The following PGAP4 variants were observed in gnomAD, a reference collection of about 807,000 sequenced individuals.
The protein encoded by PGAP4 is GPI-N-acetylgalactosamine transferase PGAP4.
In PGAP4, 12 loss-of-function variants were observed where a neutral mutation model predicts 28.2. The observed-to-expected ratio is 0.42, with a 90% CI of 0.27 to 0.69. PGAP4 has a LOEUF of 0.69. PGAP4 is among the 30% of genes least tolerant of loss of function. The probability of loss-of-function intolerance (pLI) is 0.22; values close to 1 mark genes in which losing one functional copy is unlikely to be tolerated. For missense variants in PGAP4, 425 were observed against 513.5 expected, an observed-to-expected ratio of 0.83 and a Z score of 1.67; for synonymous variants, 205 against 211.8, an observed-to-expected ratio of 0.97 and a Z score of 0.28.
chr9:101,507,789 C>T (rs565530304), intron 2 of PGAP4, among the ~76,000 whole-genome samples: 24 of 152,018 alleles, frequency 1.6e-4, no homozygotes, highest in Admixed American at 3.3e-4. Context: ...TAGGGCATAC[C>T]CAAATTGCCT....
chr9:101,524,964 A>G (rs1425768019), intron 2 of PGAP4, among the ~76,000 whole-genome samples: 2 of 152,194 alleles, frequency 1.3e-5, no homozygotes, highest in African/African-American at 2.4e-5. Flanking sequence ...CGGAGCGGCA[A>G]TCTAGTCCTG....
At chr9:101,515,821 AG>A (rs1826939439) in intron 2 of PGAP4, among the ~76,000 whole-genome samples, 1 of 152,182 alleles carries the variant, frequency 6.6e-6, no homozygotes, top group African/African-American at 2.4e-5. Flanking sequence ...GTTTGATTAA[AG>A]GATATAAAGT....
intron 2 of PGAP4, among the ~76,000 whole-genome samples, chr9:101,527,635 A>C (rs1486476554): frequency 6.6e-6 from 1 of 152,206 alleles, no homozygotes; most frequent in Non-Finnish European, 1.5e-5. Context: ...CTCATGGGCC[A>C]CTTAATGTTT....
In PGAP4 at chr9:101,476,237, G is replaced by C. The variant is rs376517979; in HGVS notation, c.856C>G (p.Arg286Gly). ...LTWIYMRFAS[R>G]PGFSWPVMLF... ...ATTACAGGCCAGCTAAACCCTGGGCGGCTGGCAAACCTCATGTATATCCAG... is the reference window on the plus strand; with the variant it reads ...ATTACAGGCCAGCTAAACCCTGGGCCGCTGGCAAACCTCATGTATATCCAG... The change falls in exon 2 of 2, where the codon CGC (arginine) becomes GGC (glycine). Residue 286 changes from arginine to glycine, a missense_variant. Physicochemically the swap from Arg to Gly is moderately radical, Grantham distance 125. Coordinates refer to ENST00000374848, the MANE Select transcript of PGAP4 (RefSeq NM_032342.3). The surrounding 1 kb of genome is among the most constrained non-coding windows in gnomAD (Gnocchi z 7.0). 1.2e-6 allele frequency: 2 copies of C among 1,613,982 alleles called. No individual in the cohort carries two copies. The highest frequency in any genetic ancestry group is 2.7e-5 in the African/African-American group (2 of 74,882).
chr9:101,515,398 C>T (rs369738974), intron 2 of PGAP4, among the ~76,000 whole-genome samples: 3 of 151,962 alleles, frequency 2.0e-5, no homozygotes, highest in Non-Finnish European at 2.9e-5. Context: ...CTGAAGATCA[C>T]GTCGGCAAAG....
intron 2 of PGAP4, among the ~76,000 whole-genome samples, chr9:101,498,865 T>TAATTTAATTAG (rs1390228870): frequency 6.6e-6 from 1 of 152,030 alleles, no homozygotes; most frequent in Non-Finnish European, 1.5e-5. Context: ...CTATCTTGTG[T>TAATTTAATTAG]CTACTGTTTA....
chr9:101,508,606 G>T (rs982567386), intron 2 of PGAP4, among the ~76,000 whole-genome samples: 2 of 152,148 alleles, frequency 1.3e-5, no homozygotes, highest in Non-Finnish European at 2.9e-5. Context: ...TAAAGCAACG[G>T]TCCTCAACCT....
intron 1 of PGAP4, among the ~76,000 whole-genome samples, chr9:101,482,012 G>T (rs927949035): frequency 6.6e-6 from 1 of 152,062 alleles, no homozygotes; most frequent in African/African-American, 2.4e-5. Context: ...TCCTAACAGA[G>T]CTTCTGACCT....
intron 1 of PGAP4, among the ~76,000 whole-genome samples, chr9:101,484,047 G>A (rs1396657721): frequency 6.6e-6 from 1 of 152,130 alleles, no homozygotes; most frequent in East Asian, 1.9e-4. Flanking sequence ...TGTTGGGGCA[G>A]TATCTATAAA....
At chr9:101,484,228 AAAGG>A (rs745778327) in intron 1 of PGAP4, among the ~76,000 whole-genome samples, 1 of 152,042 alleles carries the variant, frequency 6.6e-6, no homozygotes, top group Non-Finnish European at 1.5e-5. Flanking sequence ...GAAAGGGAAG[AAAGG>A]AAGGAAGGAA....
At chr9:101,489,204 C>A (rs1007412725), upstream of PGAP4, 1 of 151,972 alleles carries the variant, frequency 6.6e-6, no homozygotes, top group African/African-American at 2.4e-5. Flanking sequence ...TATATTTCTT[C>A]TCAAAGCAAA....
chr9:101,513,898 C>T (rs1484240690), intron 2 of PGAP4, among the ~76,000 whole-genome samples: 1 of 152,114 alleles, frequency 6.6e-6, no homozygotes, highest in African/African-American at 2.4e-5. Context: ...TGGGAGGCCA[C>T]TGTTGTGAGT....
upstream of PGAP4, among the ~76,000 whole-genome samples, chr9:101,490,495 C>T (rs1186221857): frequency 2.6e-5 from 4 of 152,190 alleles, no homozygotes; most frequent in African/African-American, 9.7e-5. Flanking sequence ...CAGCCCAAAC[C>T]TTTGATCCTA....
intron 2 of PGAP4, among the ~76,000 whole-genome samples, chr9:101,504,209 G>GTTTTTTTTTTTTTTTTTTT (rs3081858): frequency 8.8e-5 from 2 of 22,710 alleles, no homozygotes; most frequent in Admixed American, 4.5e-4. Context: ...GTGTGTGTTT[G>GTTTTTTTTTTTTTTTTTTT]TTTTTTTTTT....
chr9:101,527,412 T>C (rs1274436646), intron 2 of PGAP4, among the ~76,000 whole-genome samples: 1 of 152,208 alleles, frequency 6.6e-6, no homozygotes, highest in Non-Finnish European at 1.5e-5. Context: ...TCTTAATACA[T>C]GTCGTTGTTG....
At chr9:101,509,603 C>G (rs1007354953) in intron 2 of PGAP4, among the ~76,000 whole-genome samples, 1 of 152,168 alleles carries the variant, frequency 6.6e-6, no homozygotes, top group African/African-American at 2.4e-5. Context: ...TCCATCTCCT[C>G]ACAGAGCTGC....
At chr9:101,521,926 AT>A (rs1182537324) in intron 2 of PGAP4, among the ~76,000 whole-genome samples, 2 of 152,144 alleles carry the variant, frequency 1.3e-5, no homozygotes, top group African/African-American at 4.8e-5. Flanking sequence ...ATTGTCCTTC[AT>A]TTCAAATAAT....
intron 2 of PGAP4, among the ~76,000 whole-genome samples, chr9:101,510,020 T>A (rs73501295): frequency 3.9e-5 from 6 of 152,078 alleles, no homozygotes; most frequent in African/African-American, 1.4e-4. Context: ...TCCTGAAAAA[T>A]ATAGTGCACA....
chr9:101,482,545 T>C (rs1826518162), intron 1 of PGAP4, among the ~76,000 whole-genome samples: 1 of 152,216 alleles, frequency 6.6e-6, no homozygotes, highest in Admixed American at 6.5e-5. Flanking sequence ...CTCTGAAGCA[T>C]AAGTCAGAAC....
Sources: gnomAD v4.1 joint callset for allele counts (sites outside exome capture counted in the v4.1 genomes callset) on GRCh38, gnomAD v4.1.1 for gene constraint, Gnocchi (gnomAD v3.1) non-coding constraint, MANE v1.5 for transcripts, NCBI Gene and HGNC (gene_info 2026-07-23, HGNC 2026-07-21) for gene names.